The following SLC39A14 variants were observed in gnomAD, a reference collection of about 807,000 sequenced individuals.
SLC39A14 encodes the protein metal cation symporter ZIP14.
In SLC39A14, 19 loss-of-function variants were observed where a neutral mutation model predicts 45.5. The observed-to-expected ratio is 0.42, with a 90% confidence interval of 0.29 to 0.61. The LOEUF (loss-of-function observed/expected upper bound fraction) is 0.61. SLC39A14 is among the 20% of genes least tolerant of loss of function. The pLI is 0.22. For synonymous variants in SLC39A14, 264 were observed against 251.3 expected, an observed-to-expected ratio of 1.05 and a Z score of -0.48; for missense variants, 447 against 616.5, an observed-to-expected ratio of 0.73 and a Z score of 2.91.
rs1246288377 is a variant in SLC39A14 at position 22,398,637 on chromosome 8, A to G, written c.-15-6059A>G. On this transcript the variant is annotated intron_variant, in intron 1 of 8. Coordinates refer to ENST00000381237, the MANE Select transcript of SLC39A14 (RefSeq NM_001128431.4). ...TTGCCTGTTCTCATATCTATGCCCA[A>G]CCTCTAGACCCAGCGTCACAGAAGT... 9.6e-6 allele frequency: 8 copies of G among 832,062 alleles called. No individual in the cohort carries two copies. In the South Asian group the frequency reaches 1.6e-4, roughly 17 times the overall value. 51.5% of individuals were successfully genotyped at this position (832,062 alleles called of 1,614,324 possible).
At chr8:22,391,539 G>A (rs953230319) in intron 1 of SLC39A14, among the ~76,000 whole-genome samples, 2 of 151,916 alleles carry the variant, frequency 1.3e-5, no homozygotes, top group Admixed American at 6.6e-5. Context: ...AGGATAGAAT[G>A]TCCTTGGAAA....
rs377758710 is a variant in SLC39A14, at chr8:22,428,070, G to A, written c.1333-5821G>A. 6.6e-5 allele frequency among the ~76,000 whole-genome samples: 10 copies of A among 152,142 alleles called. No homozygotes were observed. The East Asian group carries it at 1.2e-3, about 18-fold the overall frequency. On this transcript the variant is annotated intron_variant, in intron 8 of 8. Transcript: ENST00000240095. Reference sequence around the variant, plus strand: ...TCCTAACGCTCTGGGAGGCTGAGGCGGGTGGATCACCTGAGGTCAGGAGTT... The same window carrying A: ...TCCTAACGCTCTGGGAGGCTGAGGCAGGTGGATCACCTGAGGTCAGGAGTT...
chr8:22,422,076 AT>A lies in SLC39A14; in HGVS notation c.*2383del. ...AGTCAAAAATTGGCAATTTCTTTTG[AT>A]TTTTAGTTGTTGAATTTGCTGTTTC... is the stretch of plus-strand genomic sequence containing the variant. On this transcript the variant is annotated 3_prime_UTR_variant, in exon 9 of 9. Coordinates refer to ENST00000381237, the MANE Select transcript of SLC39A14 (RefSeq NM_001128431.4). 1.0e-6 allele frequency: 1 copy of A among 985,368 alleles called. No homozygotes were observed. Among genetic ancestry groups the A allele is most frequent in the Non-Finnish European group, 1.2e-6 (1 of 829,900 alleles). 61.0% of individuals were successfully genotyped at this position (985,368 alleles called of 1,614,324 possible). A position where few individuals can be genotyped will look rare whatever the true frequency, so the allele number is the denominator to read the frequency against.
chr8:22,417,865 G>A, intron 8 of SLC39A14, 30 bp downstream of exon 8: 1 of 1,578,294 alleles, frequency 6.3e-7, no homozygotes, highest in Non-Finnish European at 8.6e-7. Context: ...CTGGATGAGA[G>A]GGCGGCTAAG....
intron 3 of SLC39A14, chr8:22,410,137 C>A: frequency 6.2e-7 from 1 of 1,613,372 alleles, no homozygotes; most frequent in South Asian, 1.1e-5. Flanking sequence ...CAGAAACTTG[C>A]GCGTCCTCTT....
At position 22,421,652 on chromosome 8, in the gene SLC39A14, A is replaced by G. The variant is rs550176907; in HGVS notation, c.*1954A>G. 2.6e-5 allele frequency: 26 copies of G among 985,808 alleles called. No homozygotes were observed. Among genetic ancestry groups the G allele is most frequent in the Non-Finnish European group, 3.0e-5 (25 of 829,886 alleles). 61.1% of individuals were successfully genotyped at this position (985,808 alleles called of 1,614,324 possible). A position where few individuals can be genotyped will look rare whatever the true frequency, so the allele number is the denominator to read the frequency against. The stretch of plus-strand genomic sequence containing the variant: ...TCAGGAGCTAGCAGAAAATAACTCA[A>G]AGTTGAAGACTCTGGAAGATTTTGC... On this transcript the variant is annotated 3_prime_UTR_variant, in exon 9 of 9. Coordinates refer to ENST00000381237, the MANE Select transcript of SLC39A14 (RefSeq NM_001128431.4).
In SLC39A14 at chr8:22,391,607, G is replaced by A. The variant is rs185461172; in HGVS notation, c.-15-13089G>A. On this transcript the variant is annotated intron_variant, in intron 1 of 8. Transcript: ENST00000381237. ...TCTTTTGAGATGGAGTCTTTGCTCTGTTGCCCAGGGTGGAGTGCAGTGGCG... is the reference window on the plus strand; with the variant it reads ...TCTTTTGAGATGGAGTCTTTGCTCTATTGCCCAGGGTGGAGTGCAGTGGCG... 1.4e-3 allele frequency among the ~76,000 whole-genome samples: 217 copies of A among 151,404 alleles called. 1 individual carries two copies. The highest frequency in any genetic ancestry group is 4.9e-3 in the African/African-American group (201 of 41,288).
intron 1 of SLC39A14, chr8:22,398,651 CG>C (rs1363577973): frequency 1.2e-5 from 11 of 895,930 alleles, no homozygotes; most frequent in Non-Finnish European, 1.5e-5. Flanking sequence ...CTAGACCCAG[CG>C]TCACAGAAGT....
In SLC39A14 at chr8:22,383,552, G is replaced by T. The variant is rs931983271; in HGVS notation, c.-16+16144G>T. Among the ~76,000 whole-genome samples the T allele has an allele frequency of 9.2e-5, 14 of 152,272 alleles. No individual in the cohort carries two copies. In the East Asian group the frequency reaches 2.3e-3, roughly 25 times the overall value. ...CTCTGTCCTTTCCTGGAAGCAGAGG[G>T]CCCCGGCCAGGCCCCAGGGACTGGG... On this transcript the variant is annotated intron_variant, in intron 1 of 8. Transcript: ENST00000381237.
At chr8:22,391,401 G>A (rs1231870095) in intron 1 of SLC39A14, among the ~76,000 whole-genome samples, 1 of 152,154 alleles carries the variant, frequency 6.6e-6, no homozygotes, top group Non-Finnish European at 1.5e-5. Context: ...TAATATGCTA[G>A]CTTTTAGTTC....
At chr8:22,380,700 G>A (rs1272326134) in intron 1 of SLC39A14, among the ~76,000 whole-genome samples, 2 of 151,308 alleles carry the variant, frequency 1.3e-5, no homozygotes, top group East Asian at 1.9e-4. Context: ...CCCCAGAGAT[G>A]GGGTCTCACT....
chr8:22,408,286 C>T, intron 2 of SLC39A14, 24 bp from the exon 3 acceptor site: 1 of 1,606,116 alleles, frequency 6.2e-7, no homozygotes, highest in African/African-American at 1.3e-5. Context: ...GTCTAAGCGG[C>T]TTCCTGCCCT....
chr8:22,412,826 C>T (rs1298484386), intron 4 of SLC39A14, among the ~76,000 whole-genome samples: 3 of 152,134 alleles, frequency 2.0e-5, no homozygotes, highest in Non-Finnish European at 1.5e-5. Context: ...CGCCTGTAAT[C>T]CCAGCTATTC....
At chr8:22,384,475 C>T (rs948464285) in intron 1 of SLC39A14, among the ~76,000 whole-genome samples, 2 of 151,608 alleles carry the variant, frequency 1.3e-5, no homozygotes, top group South Asian at 2.1e-4. Context: ...CTGGCGGGCG[C>T]GGTGGCTGAC....
intron 1 of SLC39A14, among the ~76,000 whole-genome samples, chr8:22,385,163 C>T (rs924318779): frequency 6.6e-6 from 1 of 152,198 alleles, no homozygotes; most frequent in African/African-American, 2.4e-5. Context: ...TCTTCAGTTC[C>T]GTTGAAACAA....
At chr8:22,389,896 A>G in intron 1 of SLC39A14, 1 of 158,018 alleles carries the variant, frequency 6.3e-6, no homozygotes, top group Non-Finnish European at 1.4e-5. Flanking sequence ...AAGAGGTTCC[A>G]GTAGCTCAGG....
intron 1 of SLC39A14, among the ~76,000 whole-genome samples, chr8:22,401,109 G>A (rs565170194): frequency 6.6e-6 from 1 of 152,190 alleles, no homozygotes; most frequent in Admixed American, 6.5e-5. Context: ...GAAATTCAAG[G>A]TAGGTTTGTC....
intron 8 of SLC39A14, among the ~76,000 whole-genome samples, chr8:22,429,333 A>C (rs1178514592): frequency 6.6e-6 from 1 of 152,212 alleles, no homozygotes; most frequent in Non-Finnish European, 1.5e-5. Flanking sequence ...ATTCATGTCA[A>C]TTCCATCATT....
At chr8:22,409,352 C>T (rs1211946248) in intron 3 of SLC39A14, among the ~76,000 whole-genome samples, 1 of 151,678 alleles carries the variant, frequency 6.6e-6, no homozygotes, top group Non-Finnish European at 1.5e-5. Flanking sequence ...TTTCTGCTGT[C>T]GTTATTTACT....
Sources: gnomAD v4.1 joint callset for allele counts (sites outside exome capture counted in the v4.1 genomes callset) on GRCh38, gnomAD v4.1.1 for gene constraint, MANE v1.5 for transcripts, NCBI Gene and HGNC (gene_info 2026-07-23, HGNC 2026-07-21) for gene names.